Variants in ADAM23 observed in about 807,000 individuals in gnomAD.
ADAM23 encodes ADAM metallopeptidase domain 23.
ADAM23 carries 33 observed loss-of-function variants against 120.1 expected under a neutral mutation model. The observed-to-expected ratio is 0.27, with a 90% CI of 0.21 to 0.37. ADAM23 has a LOEUF of 0.37. Ranked by LOEUF, ADAM23 falls within the 10% of genes least tolerant of loss-of-function variation. The pLI, the probability that ADAM23 is intolerant of heterozygous loss-of-function variation, is 1.00. For synonymous variants in ADAM23, 367 were observed against 375.2 expected (o/e 0.98, Z 0.25); for missense variants, 862 against 1,058.2 (o/e 0.81, Z 2.57).
intron 24 of ADAM23, among the ~76,000 whole-genome samples, chr2:206,596,570 G>A (rs554149117): frequency 6.3e-4 from 96 of 152,346 alleles, no homozygotes; most frequent in Non-Finnish European, 1.2e-3. Flanking sequence ...GAAGGAAGTT[G>A]TCACCTTACA....
intron 4 of ADAM23, among the ~76,000 whole-genome samples, chr2:206,537,788 G>GTCC (rs1697209589): frequency 6.6e-6 from 1 of 152,022 alleles, no homozygotes; most frequent in Non-Finnish European, 1.5e-5. Flanking sequence ...TTTTTCCCTA[G>GTCC]TCTTTGAATT....
chr2:206,570,827 C>G lies in ADAM23; in HGVS notation c.1566+16C>G. On this transcript the variant is annotated intron_variant, in intron 16 of 25. Transcript: ENST00000264377. ...TTTTCATGTGGTAGGTATAAGAAAC[C>G]TTCTATACTTACAGCACAGATCTTA... The G allele has an allele frequency of 3.7e-6, 6 of 1,601,862 alleles. No individual in the cohort carries two copies. The highest frequency in any genetic ancestry group is 5.1e-6 in the Non-Finnish European group (6 of 1,169,170).
intron 8 of ADAM23, among the ~76,000 whole-genome samples, chr2:206,549,439 A>G (rs1180199863): frequency 6.6e-6 from 1 of 151,964 alleles, no homozygotes; most frequent in Non-Finnish European, 1.5e-5. Context: ...ATAATTTTCC[A>G]ACTATGAAAA....
At chr2:206,489,321 C>T (rs1696081098) in intron 3 of ADAM23, among the ~76,000 whole-genome samples, 2 of 152,158 alleles carry the variant, frequency 1.3e-5, no homozygotes. Context: ...TCACTGCTGT[C>T]ATTTCTCTTA....
At chr2:206,495,727 C>T (rs1320936716) in intron 3 of ADAM23, among the ~76,000 whole-genome samples, 3 of 152,088 alleles carry the variant, frequency 2.0e-5, no homozygotes, top group African/African-American at 7.2e-5. Flanking sequence ...AGAGTCAAGA[C>T]CCATCAGTGT....
At chr2:206,459,842 C>T (rs1695378140) in intron 2 of ADAM23, among the ~76,000 whole-genome samples, 1 of 152,322 alleles carries the variant, frequency 6.6e-6, no homozygotes, top group Admixed American at 6.5e-5. Context: ...AAGCATCATG[C>T]CAAGCCATCA....
At position 206,585,832 on chromosome 2, in the gene ADAM23, C is replaced by T. The variant is rs576480570; in HGVS notation, c.1738-1493C>T. Among the ~76,000 whole-genome samples the T allele has an allele frequency of 8.8e-4, 134 of 151,612 alleles. 1 individual carries two copies. The highest frequency in any genetic ancestry group is 3.1e-3 in the African/African-American group (129 of 41,336). On this transcript the variant is annotated intron_variant, in intron 18 of 25. Coordinates refer to ENST00000264377, the MANE Select transcript of ADAM23 (RefSeq NM_003812.4). ...AAGTGCTTTGGAAAAGAAAAAAAAACAAAGAAAAAAACTTGTAGACTTCTC... is the reference window on the plus strand; with the variant it reads ...AAGTGCTTTGGAAAAGAAAAAAAAATAAAGAAAAAAACTTGTAGACTTCTC...
chr2:206,458,224 A>AGTCACATGGACATAATAATAGTGCCC (rs1455747396), intron 2 of ADAM23, among the ~76,000 whole-genome samples: 1 of 72,568 alleles, frequency 1.4e-5, no homozygotes, highest in Non-Finnish European at 3.1e-5. Context: ...CTTCCTTATC[A>AGTCACATGGACATAATAATAGTGCCC]ATCGCACAGT....
intron 14 of ADAM23, 42 bp from the exon 15 acceptor site, chr2:206,567,181 T>C: frequency 6.8e-7 from 1 of 1,467,770 alleles, no homozygotes; most frequent in Non-Finnish European, 9.5e-7. Flanking sequence ...TGATGATTGC[T>C]TTTGGTAAAT....
chr2:206,472,295 A>C (rs772986035), intron 2 of ADAM23, among the ~76,000 whole-genome samples: 4 of 152,112 alleles, frequency 2.6e-5, no homozygotes, highest in South Asian at 2.1e-4. Context: ...CTTTCTCTTC[A>C]GCGTCCATCT....
In ADAM23 at chr2:206,443,814, C is replaced by G. The variant is rs998166493; in HGVS notation, c.-53C>G. ...GGCTCCGCCCGCGGCCGCCCCGCAGCTAGCCCGGCGCTCTCGCCGGCCACA... is the reference window on the plus strand; with the variant it reads ...GGCTCCGCCCGCGGCCGCCCCGCAGGTAGCCCGGCGCTCTCGCCGGCCACA... On this transcript the variant is annotated 5_prime_UTR_variant, in exon 1 of 26. Transcript: ENST00000264377. The G allele has an allele frequency of 2.4e-5, 24 of 1,010,376 alleles. No homozygotes were observed. Among genetic ancestry groups the G allele is most frequent in the Non-Finnish European group, 2.9e-5 (24 of 840,040 alleles). The allele number at this position is 1,010,376 out of a possible 1,614,324, so 62.6% of individuals were successfully genotyped here.
At chr2:206,462,447 G>T (rs1370265442) in intron 2 of ADAM23, among the ~76,000 whole-genome samples, 2 of 152,142 alleles carry the variant, frequency 1.3e-5, no homozygotes, top group Non-Finnish European at 2.9e-5. Context: ...GCTCTGAAAG[G>T]CAAAGACTGT....
At position 206,481,274 on chromosome 2, in the gene ADAM23, G is replaced by A. The variant is rs146209053; in HGVS notation, c.475G>A (p.Gly159Ser). The A allele has an allele frequency of 2.5e-4, 405 of 1,609,052 alleles. 3 individuals carry two copies. In the African/African-American group the frequency reaches 4.4e-3, roughly 17 times the overall value. ...AQASFQIEAF[G>S]SKFILDLILN... ...GGCAAGCTTCCAGATTGAAGCCTTC[G>A]GCTCCAAATTCATTCTTGACCTCAT... Residue 159 changes from glycine to serine, a missense_variant, in exon 3 of 26, where the codon GGC (glycine) becomes AGC (serine). Physicochemically the swap from Gly to Ser is moderately conservative, Grantham distance 56. Transcript: ENST00000264377.
At chr2:206,499,775 T>C (rs2105892593) in intron 3 of ADAM23, among the ~76,000 whole-genome samples, 1 of 152,276 alleles carries the variant, frequency 6.6e-6, no homozygotes, top group East Asian at 1.9e-4. Flanking sequence ...AACAGTGCTT[T>C]TAGAAGTAAA....
At chr2:206,517,491 A>G (rs190937944) in intron 3 of ADAM23, among the ~76,000 whole-genome samples, 80 of 152,270 alleles carry the variant, frequency 5.3e-4, no homozygotes, top group Middle Eastern at 3.4e-3. Flanking sequence ...CTGTGTAGGC[A>G]GCTATACCAA....
intron 18 of ADAM23, among the ~76,000 whole-genome samples, chr2:206,585,497 A>G (rs1450813739): frequency 5.3e-5 from 8 of 152,166 alleles, no homozygotes. Flanking sequence ...TTGCCTTGGA[A>G]TGTTTGTTAG....
chr2:206,607,790 A>T (rs1698755021), intron 24 of ADAM23, among the ~76,000 whole-genome samples: 1 of 152,188 alleles, frequency 6.6e-6, no homozygotes, highest in Non-Finnish European at 1.5e-5. Flanking sequence ...TAGTTTTTTA[A>T]AAAATAATGT....
intron 2 of ADAM23, among the ~76,000 whole-genome samples, chr2:206,446,455 A>T (rs1391670019): frequency 1.3e-5 from 2 of 152,194 alleles, no homozygotes; most frequent in Non-Finnish European, 2.9e-5. Context: ...CTGTCTAAAC[A>T]TCTAGAATTT....
intron 2 of ADAM23, among the ~76,000 whole-genome samples, chr2:206,473,219 G>T (rs879589128): frequency 1.3e-5 from 2 of 152,062 alleles, no homozygotes; most frequent in Admixed American, 1.3e-4. Flanking sequence ...GCATTTATTT[G>T]TTAGCAAATA....
Sources: allele counts gnomAD v4.1 joint callset (sites outside exome capture counted in the v4.1 genomes callset), GRCh38; gene constraint gnomAD v4.1.1; transcripts MANE v1.5; gene names NCBI Gene and HGNC (gene_info 2026-07-23, HGNC 2026-07-21).